FMN1: variants seen among roughly 807,000 people sequenced by gnomAD.
FMN1 encodes the protein formin-1.
A neutral mutation model predicts 132.4 loss-of-function variants in FMN1; 110 were observed. That is an observed-to-expected ratio of 0.83 (90% CI 0.71 to 0.97). FMN1 has a LOEUF of 0.97. FMN1 is among the 50% of genes least tolerant of loss of function. The pLI, the probability that FMN1 is intolerant of heterozygous loss-of-function variation, is 0.00. For synonymous variants in FMN1, 722 were observed against 651.7 expected, an observed-to-expected ratio of 1.11 and a Z score of -1.64; for missense variants, 1,792 against 1,705.3, an observed-to-expected ratio of 1.05 and a Z score of -0.90.
Position 32,770,771 on chromosome 15 carries a change from AG to A in FMN1, c.*3538del, listed in dbSNP as rs1439808515. 6.6e-6 allele frequency: 1 copy of A among 152,176 alleles called. No individual in the cohort carries two copies. Among genetic ancestry groups the A allele is most frequent in the Non-Finnish European group, 1.5e-5 (1 of 68,052 alleles). The allele number at this position is 152,176 out of a possible 1,614,324, so 9.4% of individuals were successfully genotyped here. ...ACCATACTGGCAATTTGTTTTGGCT[AG>A]AACATTTAAAAGTGTAATAGCTCCA... is the stretch of plus-strand genomic sequence containing the variant. On this transcript the variant is annotated 3_prime_UTR_variant, in exon 21 of 21. Transcript: ENST00000616417.
chr15:33,145,977 ATT>A (rs113506987), intron 4 of FMN1, among the ~76,000 whole-genome samples: 5 of 142,992 alleles, frequency 3.5e-5, no homozygotes, highest in African/African-American at 2.6e-5. Context: ...ATTACCATGA[ATT>A]TTTTTTTTTT....
At chr15:33,038,600 C>T (rs2036288106) in intron 6 of FMN1, among the ~76,000 whole-genome samples, 1 of 152,130 alleles carries the variant, frequency 6.6e-6, no homozygotes, top group African/African-American at 2.4e-5. Context: ...TGCATCTAAC[C>T]TATGAAAACA....
At chr15:32,854,197 T>C (rs1371428803) in intron 17 of FMN1, among the ~76,000 whole-genome samples, 1 of 152,174 alleles carries the variant, frequency 6.6e-6, no homozygotes, top group Non-Finnish European at 1.5e-5. Flanking sequence ...ATTTGACATG[T>C]TTTTTCTGCT....
intron 9 of FMN1, among the ~76,000 whole-genome samples, chr15:32,952,120 G>A (rs953294332): frequency 1.3e-5 from 2 of 152,148 alleles, no homozygotes; most frequent in Admixed American, 1.3e-4. Context: ...AGTGGCAACT[G>A]AATGGCTGGG....
intron 17 of FMN1, among the ~76,000 whole-genome samples, chr15:32,827,797 T>C (rs1280865522): frequency 2.6e-5 from 4 of 151,066 alleles, no homozygotes; most frequent in Admixed American, 6.6e-5. Flanking sequence ...TGAGCGGAGA[T>C]TGCGCCACTG....
At chr15:32,903,245 AACCC>A (rs2060340191) in intron 12 of FMN1, among the ~76,000 whole-genome samples, 1 of 152,254 alleles carries the variant, frequency 6.6e-6, no homozygotes, top group Non-Finnish European at 1.5e-5. Context: ...AAAGTTCAAT[AACCC>A]ATTATTATGA....
At position 32,851,015 on chromosome 15, in the gene FMN1, G is replaced by A. The variant is rs192676446; in HGVS notation, c.3928+6000C>T. On this transcript the variant is annotated intron_variant, in intron 17 of 20. Coordinates refer to ENST00000616417, the MANE Select transcript of FMN1 (RefSeq NM_001277313.2). The stretch of plus-strand genomic sequence containing the variant: ...AGAGCTTGCAGTGAGCCAAGATCGC[G>A]CCACTGCACTACAGCCTGGGTGACA... 6.7e-3 allele frequency among the ~76,000 whole-genome samples: 1,021 copies of A among 151,832 alleles called. 12 individuals carry two copies. Among genetic ancestry groups the A allele is most frequent in the African/African-American group, 0.024 (987 of 41,238 alleles).
chr15:32,907,919 G>A (rs994236592), intron 12 of FMN1, among the ~76,000 whole-genome samples: 1 of 152,078 alleles, frequency 6.6e-6, no homozygotes, highest in African/African-American at 2.4e-5. Context: ...GGAGTTCTGG[G>A]TCTTCAAAGC....
intron 4 of FMN1, among the ~76,000 whole-genome samples, chr15:33,129,855 C>G (rs1351522964): frequency 2.1e-5 from 3 of 145,928 alleles, no homozygotes; most frequent in African/African-American, 7.6e-5. Context: ...TGCAGTGGCA[C>G]AATCTCGGCT....
chr15:33,033,091 T>C (rs558874972), intron 6 of FMN1, among the ~76,000 whole-genome samples: 9 of 152,014 alleles, frequency 5.9e-5, no homozygotes, highest in East Asian at 1.9e-4. Flanking sequence ...AGTGCAGTGG[T>C]ACGATCTCGG....
chr15:32,793,067 T>G (rs1258753), intron 19 of FMN1, among the ~76,000 whole-genome samples: 39,230 of 152,088 alleles, frequency 0.26, 6,067 homozygotes, highest in East Asian at 0.67. Flanking sequence ...ATCATTCTTT[T>G]AAAAGAAGTT....
At chr15:33,122,197 AAAC>A (rs1962628305) in intron 4 of FMN1, among the ~76,000 whole-genome samples, 1 of 152,248 alleles carries the variant, frequency 6.6e-6, no homozygotes, top group African/African-American at 2.4e-5. Flanking sequence ...AAAAGATTGA[AAAC>A]TCTGACCTAT....
intron 5 of FMN1, among the ~76,000 whole-genome samples, chr15:33,084,957 G>A (rs886973881): frequency 5.3e-5 from 8 of 152,174 alleles, no homozygotes; most frequent in Admixed American, 1.3e-4. Context: ...TGATTGTGAC[G>A]CTGCAAGTCA....
At chr15:32,824,127 A>G (rs963355203) in intron 17 of FMN1, among the ~76,000 whole-genome samples, 13 of 152,278 alleles carry the variant, frequency 8.5e-5, no homozygotes, top group Non-Finnish European at 1.9e-4. Context: ...ACCCCCCGTG[A>G]GAGGGGAAAG....
At chr15:33,004,203 T>G (rs1046259048) in intron 7 of FMN1, among the ~76,000 whole-genome samples, 2 of 152,066 alleles carry the variant, frequency 1.3e-5, no homozygotes, top group East Asian at 1.9e-4. Flanking sequence ...GGGATCTAAT[T>G]AAACTAAAGA....
intron 9 of FMN1, among the ~76,000 whole-genome samples, chr15:32,932,314 T>C (rs2061141633): frequency 6.6e-6 from 1 of 152,116 alleles, no homozygotes; most frequent in Non-Finnish European, 1.5e-5. Flanking sequence ...GGCAGGAAAA[T>C]CACTTGAACC....
chr15:32,900,220 CG>C, intron 13 of FMN1, 95 bp from the exon 14 acceptor site: 1 of 1,357,258 alleles, frequency 7.4e-7, no homozygotes. Context: ...AATAGGCTGT[CG>C]GGAGGCTTGG....
intron 17 of FMN1, among the ~76,000 whole-genome samples, chr15:32,852,309 C>T (rs1011178613): frequency 3.3e-5 from 5 of 152,204 alleles, no homozygotes; most frequent in African/African-American, 1.2e-4. Flanking sequence ...AATTTATTAA[C>T]CTGTCCTGTA....
chr15:32,942,406 C>A (rs2061420384), intron 9 of FMN1, among the ~76,000 whole-genome samples: 1 of 152,198 alleles, frequency 6.6e-6, no homozygotes, highest in African/African-American at 2.4e-5. Flanking sequence ...GGGATTTTTA[C>A]ATCTACAGAA....
Sources: allele counts gnomAD v4.1 joint callset (sites outside exome capture counted in the v4.1 genomes callset), GRCh38; gene constraint gnomAD v4.1.1; transcripts MANE v1.5; gene names NCBI Gene and HGNC (gene_info 2026-07-23, HGNC 2026-07-21).